Variants in VSIG10 observed in about 807,000 individuals in gnomAD.
The protein encoded by VSIG10 is V-set and immunoglobulin domain-containing protein 10.
VSIG10 carries 48 observed loss-of-function variants against 58.7 expected under a neutral mutation model. The observed-to-expected ratio is 0.82, with a 90% CI of 0.65 to 1.04. The LOEUF (loss-of-function observed/expected upper bound fraction) is 1.04, where lower values mean the gene tolerates loss of function less well. Ranked by LOEUF, VSIG10 falls within the 50% of genes least tolerant of loss-of-function variation. The pLI is 0.00. For missense variants in VSIG10, 628 were observed against 670.0 expected, an observed-to-expected ratio of 0.94 and a Z score of 0.69; for synonymous variants, 260 against 267.1, an observed-to-expected ratio of 0.97 and a Z score of 0.26.
chr12:118,100,691 G>A (rs1030651976), intron 1 of VSIG10, among the ~76,000 whole-genome samples: 1 of 152,064 alleles, frequency 6.6e-6, no homozygotes, highest in Non-Finnish European at 1.5e-5. Context: ...ATCATGCCCC[G>A]CTAAGTTTTT....
chr12:118,095,133 G>A (rs889504409), intron 2 of VSIG10, among the ~76,000 whole-genome samples: 22 of 152,086 alleles, frequency 1.4e-4, no homozygotes, highest in African/African-American at 5.1e-4. Context: ...TCAATGTCTC[G>A]ACCTTGTGAC....
rs533330071 is a variant in VSIG10 at position 118,090,939 on chromosome 12, C to T, written c.361+4594G>A. On this transcript the variant is annotated intron_variant, in intron 2 of 8. Transcript: ENST00000359236. ...CACTTGTGGTCAAGAGTTCGAGACA[C>T]GCCTGGCCAACATGGAAAAACCCCA... Among the ~76,000 whole-genome samples, 26 of 152,100 alleles carry T rather than the reference C, an allele frequency of 1.7e-4. No individual in the cohort carries two copies. The South Asian group carries it at 2.9e-3, about 17-fold the overall frequency.
Position 118,095,589 on chromosome 12 carries a change from G to A in VSIG10, c.305C>T (p.Thr102Ile). The A allele has an allele frequency of 6.2e-7, 1 of 1,613,934 alleles. No individual in the cohort carries two copies. The highest frequency in any genetic ancestry group is 8.5e-7 in the Non-Finnish European group (1 of 1,179,884). Residue 102 changes from threonine (T) to isoleucine (I), a missense_variant, in exon 2 of 9, where the codon ACC becomes ATC. By Grantham distance (89) the Thr-to-Ile change is moderately conservative. Coordinates refer to ENST00000359236, the MANE Select transcript of VSIG10 (RefSeq NM_019086.6). ...SLSLGDEGIY[T>I]CQEILNVTQW... is the part of the protein sequence containing the mutation. ...AGTCACATTCAGGATCTCCTGGCAG[G>A]TGTAGATTCCCTCATCTCCCAGGCT...
intron 4 of VSIG10, among the ~76,000 whole-genome samples, chr12:118,076,155 A>G (rs138653187): frequency 1.1e-4 from 16 of 152,316 alleles, no homozygotes; most frequent in Non-Finnish European, 2.1e-4. Flanking sequence ...GGCTTAAAGC[A>G]CATTTATTCT....
intron 2 of VSIG10, among the ~76,000 whole-genome samples, chr12:118,086,261 A>AAGAC (rs2033123803): frequency 2.0e-5 from 3 of 152,176 alleles, no homozygotes; most frequent in Admixed American, 1.3e-4. Flanking sequence ...TCAGGAGTTC[A>AAGAC]AGACCACCCT....
In VSIG10 at chr12:118,073,981, G is replaced by A; in HGVS notation, c.937C>T (p.Leu313Phe). 1.3e-6 allele frequency: 2 copies of A among 1,563,186 alleles called. No homozygotes were observed. Among genetic ancestry groups the A allele is most frequent in the South Asian group, 1.2e-5 (1 of 82,518 alleles). ...CAAGTCTTCATGGGCTCAGAGAGAA[G>A]GGAGGGACCCCCTGGTGATCAGAAG... Reference protein sequence around the residue: ...SCMVQIRGPSLLSEPMKTCFT... With the variant: ...SCMVQIRGPSFLSEPMKTCFT... The change falls in exon 5 of 9, where the codon CTT (leucine) becomes TTT (phenylalanine). Residue 313 changes from leucine to phenylalanine, a missense_variant. Coordinates refer to ENST00000359236, the MANE Select transcript of VSIG10 (RefSeq NM_019086.6).
intron 4 of VSIG10, among the ~76,000 whole-genome samples, chr12:118,078,260 G>A (rs768912028): frequency 3.9e-5 from 6 of 152,178 alleles, no homozygotes; most frequent in African/African-American, 7.2e-5. Flanking sequence ...CTGGGTTCAC[G>A]CAGTTCTCCT....
chr12:118,077,099 G>T (rs1249555981), intron 4 of VSIG10, among the ~76,000 whole-genome samples: 1 of 152,194 alleles, frequency 6.6e-6, no homozygotes, highest in African/African-American at 2.4e-5. Flanking sequence ...GTTTGGACTT[G>T]AACATATCTA....
chr12:118,069,702 C>T (rs1321335817), intron 7 of VSIG10, among the ~76,000 whole-genome samples: 2 of 151,960 alleles, frequency 1.3e-5, no homozygotes, highest in African/African-American at 2.4e-5. Context: ...GCTGGGATTA[C>T]AGGCGTGAGC....
At chr12:118,099,399 G>A (rs2033564035) in intron 1 of VSIG10, among the ~76,000 whole-genome samples, 1 of 152,038 alleles carries the variant, frequency 6.6e-6, no homozygotes. Context: ...CCCACCTCGG[G>A]CTCGCAAAGT....
intron 1 of VSIG10, among the ~76,000 whole-genome samples, chr12:118,100,846 T>C (rs118008017): frequency 0.012 from 1,864 of 152,308 alleles, 24 homozygotes; most frequent in Middle Eastern, 0.017. Context: ...ATTTTTAAAT[T>C]ATTAGGATTG....
In VSIG10 at chr12:118,098,937, A is replaced by T. The variant is rs1013089149; in HGVS notation, c.80-3123T>A. On this transcript the variant is annotated intron_variant, in intron 1 of 8. Transcript: ENST00000359236. ...AGAGATGGGGGTTGGGGGGGGTCTC[A>T]CTCTGATGTCCTGGACAGTCTTGAA... is the stretch of plus-strand genomic sequence containing the variant. Among the ~76,000 whole-genome samples, 6 of 143,664 alleles carry T rather than the reference A, an allele frequency of 4.2e-5. No homozygotes were observed. The East Asian group carries it at 8.4e-4, about 20-fold the overall frequency. 94.2% of individuals were successfully genotyped at this position (143,664 alleles called of 152,430 possible).
At chr12:118,091,311 T>G (rs546031291) in intron 2 of VSIG10, among the ~76,000 whole-genome samples, 1 of 151,744 alleles carries the variant, frequency 6.6e-6, no homozygotes, top group South Asian at 2.1e-4. Context: ...GCTAACATGG[T>G]GAAACCCCAT....
At chr12:118,094,952 G>A (rs1304819870) in intron 2 of VSIG10, among the ~76,000 whole-genome samples, 2 of 149,442 alleles carry the variant, frequency 1.3e-5, no homozygotes, top group African/African-American at 4.9e-5. Flanking sequence ...TTGCCAGGAT[G>A]GAGCGCAGTG....
intron 7 of VSIG10, among the ~76,000 whole-genome samples, chr12:118,069,425 CTTTT>C (rs34116504): frequency 6.7e-5 from 7 of 105,064 alleles, no homozygotes; most frequent in Middle Eastern, 7.1e-3. Context: ...TCTTCTTCTT[CTTTT>C]TTTTTTTTTT....
chr12:118,080,116 G>A (rs1051646821), intron 3 of VSIG10, among the ~76,000 whole-genome samples: 1 of 152,032 alleles, frequency 6.6e-6, no homozygotes, highest in Non-Finnish European at 1.5e-5. Context: ...TTATAGGCGT[G>A]AGCCACTGCG....
At chr12:118,087,556 G>C (rs1241166284) in intron 2 of VSIG10, among the ~76,000 whole-genome samples, 3 of 152,086 alleles carry the variant, frequency 2.0e-5, no homozygotes, top group Non-Finnish European at 4.4e-5. Context: ...GAAGGAGGGG[G>C]CTGGGCGAGG....
intron 1 of VSIG10, among the ~76,000 whole-genome samples, chr12:118,098,648 G>A (rs958457722): frequency 6.6e-6 from 1 of 152,106 alleles, no homozygotes; most frequent in African/African-American, 2.4e-5. Flanking sequence ...GTCCAACTAG[G>A]GCAAATGTCA....
chr12:118,095,493 G>C lies in VSIG10; in HGVS notation c.361+40C>G, dbSNP rs771766260. On this transcript the variant is annotated intron_variant, in intron 2 of 8. Coordinates refer to ENST00000359236, the MANE Select transcript of VSIG10 (RefSeq NM_019086.6). ...ATGGTCTCCTCCTTTCCAAGGCTCC[G>C]AGCACCTCTCCAGCCCCGGTCCCTG... is the stretch of plus-strand genomic sequence containing the variant. The C allele has an allele frequency of 1.9e-6, 3 of 1,608,098 alleles. No homozygotes were observed. The East Asian group carries it at 6.7e-5, about 36-fold the overall frequency.
Sources: gnomAD v4.1 joint callset for allele counts (sites outside exome capture counted in the v4.1 genomes callset) on GRCh38, gnomAD v4.1.1 for gene constraint, MANE v1.5 for transcripts, NCBI Gene and HGNC (gene_info 2026-07-23, HGNC 2026-07-21) for gene names.